The following KLK15 variants were observed in gnomAD, a reference collection of about 807,000 sequenced individuals.
The protein encoded by KLK15 is kallikrein-15.
A neutral mutation model predicts 21.1 loss-of-function variants in KLK15; 19 were observed. The observed-to-expected ratio is 0.90, with a 90% CI of 0.63 to 1.32. The LOEUF (loss-of-function observed/expected upper bound fraction) is 1.32. KLK15 is among the 40% of genes most tolerant of loss of function. The pLI, the probability that KLK15 is intolerant of heterozygous loss-of-function variation, is 0.00. For missense variants in KLK15, 345 were observed against 348.6 expected (o/e 0.99, Z 0.08); for synonymous variants, 141 against 141.5 (o/e 1.00, Z 0.03).
At chr19:50,831,662 G>A (rs2089987670), upstream of KLK15, 3 of 472,388 alleles carry the variant, frequency 6.4e-6, no homozygotes, top group South Asian at 1.7e-4. Context: ...ACCCCACTCT[G>A]CGCTTCCTTC....
At chr19:50,828,670 C>T (rs2089926210) in intron 1 of KLK15, among the ~76,000 whole-genome samples, 1 of 151,538 alleles carries the variant, frequency 6.6e-6, no homozygotes, top group East Asian at 1.9e-4. Flanking sequence ...GTTGCAGCTT[C>T]AAGAATCACA....
chr19:50,831,409 C>A lies in KLK15; in HGVS notation c.43+41G>T, dbSNP rs759909587. ...CCCAGACATGCTTGGGAAGGGGGCA[C>A]CTGCTCCCACAGACCTGGCCCCCTC... On this transcript the variant is annotated intron_variant, in intron 1 of 4. Transcript: ENST00000598239. The A allele has an allele frequency of 5.1e-6, 7 of 1,369,860 alleles. No homozygotes were observed. The South Asian group carries it at 1.0e-4, about 20-fold the overall frequency. 84.9% of individuals were successfully genotyped at this position (1,369,860 alleles called of 1,614,324 possible). A position where few individuals can be genotyped will look rare whatever the true frequency, so the allele number is the denominator to read the frequency against.
At chr19:50,831,573 A>C, upstream of KLK15, 6 of 1,154,168 alleles carry the variant, frequency 5.2e-6, no homozygotes, top group Non-Finnish European at 7.0e-6. Context: ...TTCTGCCTCC[A>C]CCAGGATCCC....
At position 50,830,160 on chromosome 19, in the gene KLK15, T is replaced by TACACACACAC. The variant is rs58238482; in HGVS notation, c.43+1280_43+1289dup. Among the ~76,000 whole-genome samples the TACACACACAC allele has an allele frequency of 2.6e-4, 38 of 147,372 alleles. 1 individual carries two copies. The highest frequency in any genetic ancestry group is 1.1e-3 in the Admixed American group (16 of 14,716). ...TGTATACCCACTGCACACGTGCATGTACACACACACACACACACACACACA... is the reference window on the plus strand; with the variant it reads ...TGTATACCCACTGCACACGTGCATGTACACACACACACACACACACACACACACACACACA... On this transcript the variant is annotated intron_variant, in intron 1 of 4. Transcript: ENST00000598239.
exon 3 of KLK15, chr19:50,827,138 T>C (rs1346950894): frequency 6.3e-7 from 1 of 1,595,128 alleles, no homozygotes; most frequent in Admixed American, 1.7e-5. Flanking sequence ...CAGGTTGTGC[T>C]CTCCCAGGCG....
chr19:50,826,648 C>T, exon 4 of KLK15: 1 of 1,608,166 alleles, frequency 6.2e-7, no homozygotes, highest in East Asian at 2.2e-5. Context: ...CTCTGCCCTC[C>T]GCGCCTGCAC....
chr19:50,832,757 CA>C (rs1435803074), upstream of KLK15, among the ~76,000 whole-genome samples: 1 of 152,116 alleles, frequency 6.6e-6, no homozygotes, highest in Non-Finnish European at 1.5e-5. Flanking sequence ...CCTCCCACCG[CA>C]TATCCAACGC....
At chr19:50,832,170 C>T (rs2089999821), upstream of KLK15, among the ~76,000 whole-genome samples, 1 of 151,746 alleles carries the variant, frequency 6.6e-6, no homozygotes, top group African/African-American at 2.4e-5. Context: ...AGTCCAGTCC[C>T]CTCCACCAGC....
intron 1 of KLK15, among the ~76,000 whole-genome samples, chr19:50,829,343 A>G (rs2089942264): frequency 6.6e-6 from 1 of 151,702 alleles, no homozygotes; most frequent in Non-Finnish European, 1.5e-5. Context: ...ATGTATGGTG[A>G]GTGATACCTA....
intron 1 of KLK15, among the ~76,000 whole-genome samples, chr19:50,828,738 C>T (rs1448349669): frequency 2.0e-5 from 3 of 151,266 alleles, no homozygotes; most frequent in African/African-American, 4.8e-5. Context: ...GAGGCCGAGG[C>T]GGGTGGATCA....
chr19:50,826,986 C>T (rs759486112), exon 3 of KLK15: 10 of 1,606,190 alleles, frequency 6.2e-6, no homozygotes, highest in Non-Finnish European at 8.5e-6. Context: ...GGTAGCACCG[C>T]GGGGCGCACC....
At chr19:50,829,264 C>T (rs141193565) in intron 1 of KLK15, among the ~76,000 whole-genome samples, 100 of 151,690 alleles carry the variant, frequency 6.6e-4, no homozygotes, top group African/African-American at 2.4e-3. Context: ...CCTCTGTTTC[C>T]TCATCTGTAA....
upstream of KLK15, among the ~76,000 whole-genome samples, chr19:50,833,409 G>A (rs981542010): frequency 1.3e-5 from 2 of 152,122 alleles, no homozygotes; most frequent in Non-Finnish European, 2.9e-5. Context: ...AAGGACACGT[G>A]GATCTACCCA....
At chr19:50,825,589 A>T, downstream of KLK15, 1 of 464,260 alleles carries the variant, frequency 2.2e-6, no homozygotes, top group Non-Finnish European at 3.8e-6. Flanking sequence ...CTACAGAGCA[A>T]CTTGGATCAG....
At chr19:50,827,139 C>T (rs1039999724) in exon 3 of KLK15, 2 of 1,593,706 alleles carry the variant, frequency 1.3e-6, no homozygotes, top group Non-Finnish European at 1.7e-6. Flanking sequence ...AGGTTGTGCT[C>T]TCCCAGGCGC....
At chr19:50,825,619 T>A, downstream of KLK15, 1 of 549,538 alleles carries the variant, frequency 1.8e-6, no homozygotes, top group Non-Finnish European at 3.1e-6. Context: ...ATCTTGGCAT[T>A]AAACAGGTGA....
At chr19:50,825,671 G>C, downstream of KLK15, 1 of 947,856 alleles carries the variant, frequency 1.1e-6, no homozygotes, top group Non-Finnish European at 1.5e-6. Context: ...CAAGTCCTTG[G>C]CTAACATCTG....
intron 1 of KLK15, among the ~76,000 whole-genome samples, chr19:50,829,069 T>C (rs973345345): frequency 2.7e-5 from 4 of 146,502 alleles, no homozygotes; most frequent in South Asian, 2.2e-4. Flanking sequence ...CACACACACA[T>C]GCACACACAA....
chr19:50,827,208 T>A, intron 2 of KLK15, 47 bp from the exon 4 acceptor site: 1 of 1,531,052 alleles, frequency 6.5e-7, no homozygotes, highest in Non-Finnish European at 8.8e-7. Context: ...GGGCCAGTGG[T>A]TACCCGCAAG....
Sources: gnomAD v4.1 joint callset for allele counts (sites outside exome capture counted in the v4.1 genomes callset) on GRCh38, gnomAD v4.1.1 for gene constraint, MANE v1.5 for transcripts, NCBI Gene and HGNC (gene_info 2026-07-23, HGNC 2026-07-21) for gene names.